The following VAV2 variants were observed in gnomAD, a reference collection of about 807,000 sequenced individuals.
The protein encoded by VAV2 is guanine nucleotide exchange factor VAV2.
In VAV2, 67 loss-of-function variants were observed where a neutral mutation model predicts 132.5. The ratio of observed to expected loss-of-function variants is 0.51; its 90% CI spans 0.42 to 0.62. The LOEUF is 0.62. Among genes scored for constraint, VAV2 ranks in the 20% least tolerant of loss-of-function variants. The pLI is 0.00. For missense variants in VAV2, 938 were observed against 1,153.6 expected, an observed-to-expected ratio of 0.81 and a Z score of 2.71; for synonymous variants, 492 against 443.5, an observed-to-expected ratio of 1.11 and a Z score of -1.37.
intron 2 of VAV2, among the ~76,000 whole-genome samples, chr9:133,901,847 G>A (rs1177484234): frequency 6.6e-6 from 1 of 152,246 alleles, no homozygotes; most frequent in African/African-American, 2.4e-5. Context: ...CGGGCCGATG[G>A]GGTCAGTGGC....
intron 19 of VAV2, 105 bp from the exon 20 acceptor site, chr9:133,780,815 G>T (rs1224204615): frequency 1.7e-6 from 2 of 1,192,626 alleles, no homozygotes; most frequent in African/African-American, 3.2e-5. Flanking sequence ...GCTTAAGATG[G>T]TAAGTGAGCC....
intron 3 of VAV2, among the ~76,000 whole-genome samples, chr9:133,844,786 C>G (rs968789972): frequency 6.6e-6 from 1 of 152,244 alleles, no homozygotes; most frequent in Non-Finnish European, 1.5e-5. Context: ...GGAACGCAGA[C>G]ACGACAGGTC....
chr9:133,883,571 C>A lies in VAV2; in HGVS notation c.322-22139G>T, dbSNP rs1471571480. Among the ~76,000 whole-genome samples, 1 of 152,280 alleles carries A rather than the reference C, an allele frequency of 6.6e-6. No homozygotes were observed. The highest frequency in any genetic ancestry group is 1.9e-4 in the East Asian group (1 of 5,184). Reference sequence around the variant, plus strand: ...GCAGGCAGACAGCCCAGCAGAGACTCCCAAGTCATCCCCAGCCACGGCAGG... The same window carrying A: ...GCAGGCAGACAGCCCAGCAGAGACTACCAAGTCATCCCCAGCCACGGCAGG... On this transcript the variant is annotated intron_variant, in intron 2 of 29. Transcript: ENST00000371850. This position sits in a 1 kb window ranked among gnomAD's most constrained non-coding sequence, Gnocchi z 4.2.
chr9:133,819,150 C>T (rs1370700256), intron 4 of VAV2, among the ~76,000 whole-genome samples: 4 of 150,458 alleles, frequency 2.7e-5, no homozygotes, highest in Admixed American at 1.3e-4. Flanking sequence ...GTCATTCGCC[C>T]GGGGCACCGA....
At chr9:133,800,731 C>T (rs955744306) in intron 9 of VAV2, among the ~76,000 whole-genome samples, 3 of 152,204 alleles carry the variant, frequency 2.0e-5, no homozygotes, top group African/African-American at 7.2e-5. Flanking sequence ...TCACCTTGGC[C>T]CGAGGTTTAG....
intron 1 of VAV2, among the ~76,000 whole-genome samples, chr9:133,978,974 G>A (rs1301971343): frequency 6.6e-6 from 1 of 152,242 alleles, no homozygotes; most frequent in African/African-American, 2.4e-5. Flanking sequence ...GGTCAGGGCA[G>A]GGGAGTTCGC....
In VAV2 at chr9:133,768,361, T is replaced by G; in HGVS notation, c.2589+81A>C. ...ACAGGGCCTGGGGTGTGGACATAGG[T>G]GTGGTGCTAGTCTGCCTGAGCCCGA... On this transcript the variant is annotated intron_variant, in intron 29 of 29. Coordinates refer to ENST00000371850, the MANE Select transcript of VAV2 (RefSeq NM_001134398.2). The surrounding 1 kb of genome is among the most constrained non-coding windows in gnomAD (Gnocchi z 5.3). 2.6e-6 allele frequency: 4 copies of G among 1,544,444 alleles called. No individual in the cohort carries two copies. Among genetic ancestry groups the G allele is most frequent in the African/African-American group, 2.7e-5 (2 of 73,832 alleles).
intron 2 of VAV2, among the ~76,000 whole-genome samples, chr9:133,924,260 G>A (rs998990): frequency 0.22 from 33,027 of 152,058 alleles, 4,081 homozygotes; most frequent in African/African-American, 0.32. Flanking sequence ...TCTGCTCACC[G>A]CAACCTCCAA....
At chr9:133,800,863 A>G (rs1341509645) in intron 9 of VAV2, among the ~76,000 whole-genome samples, 3 of 151,982 alleles carry the variant, frequency 2.0e-5, no homozygotes, top group Non-Finnish European at 4.4e-5. Context: ...GCAAACTTCT[A>G]CTCGTCTGTC....
intron 2 of VAV2, among the ~76,000 whole-genome samples, chr9:133,878,304 C>T (rs528561183): frequency 4.7e-4 from 72 of 152,298 alleles, no homozygotes; most frequent in African/African-American, 1.5e-3. Flanking sequence ...GAACCACACG[C>T]ACTACAGAGC....
rs1258203998 is a variant in VAV2, at chr9:133,863,265, C to T, written c.322-1833G>A. Among the ~76,000 whole-genome samples, 3 of 152,266 alleles carry T rather than the reference C, an allele frequency of 2.0e-5. No individual in the cohort carries two copies. The highest frequency in any genetic ancestry group is 2.9e-5 in the Non-Finnish European group (2 of 68,050). On this transcript the variant is annotated intron_variant, in intron 2 of 29. Transcript: ENST00000371850. This position sits in a 1 kb window ranked among gnomAD's most constrained non-coding sequence, Gnocchi z 5.0. The stretch of plus-strand genomic sequence containing the variant: ...CAAGCCCCCTCTCACACACCTCCTG[C>T]GGCAGACGTGGCTGATCAATCCCTC...
chr9:133,920,021 G>A (rs995087235), intron 2 of VAV2, among the ~76,000 whole-genome samples: 2 of 152,220 alleles, frequency 1.3e-5, no homozygotes, highest in Non-Finnish European at 2.9e-5. Context: ...AGACAGGCCT[G>A]GGCGTGGGCC....
Position 133,776,028 on chromosome 9 carries a change from C to G in VAV2, c.2018G>C (p.Trp673Ser), listed in dbSNP as rs1046012161. The G allele has an allele frequency of 6.2e-7, 1 of 1,611,714 alleles. No individual in the cohort carries two copies. Among genetic ancestry groups the G allele is most frequent in the African/African-American group, 1.3e-5 (1 of 74,870 alleles). The stretch of plus-strand genomic sequence containing the variant: ...TGTCTGCAGCCCACGATCCACTCAC[C>G]AGGGGTATGCAGTGTAGTCGATCTC... ...SREIDYTAYP[W>S]FAGNMERQQT... Residue 673 changes from tryptophan (W) to serine (S), a missense_variant and splice_region_variant, in exon 24 of 30, where the codon TGG becomes TCG. Transcript: ENST00000371850.
chr9:133,893,911 C>T (rs809151), intron 2 of VAV2, among the ~76,000 whole-genome samples: 43 of 152,298 alleles, frequency 2.8e-4, no homozygotes, highest in South Asian at 6.2e-4. Flanking sequence ...CTGGACCTCA[C>T]GGATCCTCAC....
chr9:133,788,278 G>T lies in VAV2; in HGVS notation c.1407+76C>A. 3.0e-6 allele frequency: 4 copies of T among 1,351,328 alleles called. No individual in the cohort carries two copies. Among genetic ancestry groups the T allele is most frequent in the Non-Finnish European group, 3.0e-6 (3 of 1,008,878 alleles). 83.7% of individuals were successfully genotyped at this position (1,351,328 alleles called of 1,614,324 possible). On this transcript the variant is annotated intron_variant, in intron 15 of 29. Coordinates refer to ENST00000371850, the MANE Select transcript of VAV2 (RefSeq NM_001134398.2). This position sits in a 1 kb window ranked among gnomAD's most constrained non-coding sequence, Gnocchi z 5.3. ...GGCTGACTTCGAGTCCCCTTCCCCTGGGGTCTGGAACCCAGTGCCTCTCTC... is the reference window on the plus strand; with the variant it reads ...GGCTGACTTCGAGTCCCCTTCCCCTTGGGTCTGGAACCCAGTGCCTCTCTC...
chr9:133,945,493 T>C (rs568677230), intron 1 of VAV2, among the ~76,000 whole-genome samples: 1 of 152,338 alleles, frequency 6.6e-6, no homozygotes, highest in Admixed American at 6.5e-5. Flanking sequence ...GATGTGGAAA[T>C]GGAGGCCCCA....
chr9:133,831,701 C>T (rs1427610669), intron 4 of VAV2, among the ~76,000 whole-genome samples: 7 of 152,172 alleles, frequency 4.6e-5, no homozygotes, highest in African/African-American at 9.7e-5. Context: ...TGTCCAGAAA[C>T]GCTGAGGCAT....
Position 133,802,276 on chromosome 9 carries a change from GCACA to G in VAV2, c.836+3801_836+3804del, listed in dbSNP as rs36068507. 1.3e-5 allele frequency among the ~76,000 whole-genome samples: 2 copies of G among 150,090 alleles called. No individual in the cohort carries two copies. The highest frequency in any genetic ancestry group is 4.9e-5 in the African/African-American group (2 of 40,668). On this transcript the variant is annotated intron_variant, in intron 9 of 29. Coordinates refer to ENST00000371850, the MANE Select transcript of VAV2 (RefSeq NM_001134398.2). The surrounding 1 kb of genome is among the most constrained non-coding windows in gnomAD (Gnocchi z 5.8). ...ATAACACACACGGGCACACATGTAT[GCACA>G]CACACACACATGCATGTGCACACAA...
chr9:133,889,087 A>G (rs989595345), intron 2 of VAV2, among the ~76,000 whole-genome samples: 5 of 152,068 alleles, frequency 3.3e-5, no homozygotes, highest in African/African-American at 9.7e-5. Flanking sequence ...AGGGATCTGG[A>G]GCTGAGCTGA....
Sources: gnomAD v4.1 joint callset for allele counts (sites outside exome capture counted in the v4.1 genomes callset) on GRCh38, gnomAD v4.1.1 for gene constraint, Gnocchi (gnomAD v3.1) non-coding constraint, MANE v1.5 for transcripts, NCBI Gene and HGNC (gene_info 2026-07-23, HGNC 2026-07-21) for gene names.